CSMD3: variants seen among roughly 807,000 people sequenced by gnomAD.
CSMD3 encodes the protein CUB and sushi domain-containing protein 3.
A neutral mutation model predicts 435.2 loss-of-function variants in CSMD3; 177 were observed. The observed-to-expected ratio is 0.41, with a 90% CI of 0.36 to 0.46. CSMD3 has a LOEUF of 0.46. Among genes scored for constraint, CSMD3 ranks in the 20% least tolerant of loss-of-function variants. The pLI is 0.34. For synonymous variants in CSMD3, 1,656 were observed against 1,520.5 expected, an observed-to-expected ratio of 1.09 and a Z score of -2.07; for missense variants, 4,265 against 4,504.6, an observed-to-expected ratio of 0.95 and a Z score of 1.52.
At chr8:112,271,792 A>G (rs1175706055) in intron 59 of CSMD3, among the ~76,000 whole-genome samples, 3 of 152,232 alleles carry the variant, frequency 2.0e-5, no homozygotes, top group African/African-American at 7.2e-5. Context: ...GAGAAGAAAT[A>G]GTAATAATTA....
intron 3 of CSMD3, among the ~76,000 whole-genome samples, chr8:113,231,556 A>G (rs1371070576): frequency 2.6e-5 from 4 of 151,510 alleles, no homozygotes; most frequent in African/African-American, 9.7e-5. Context: ...ATTGTGATCA[A>G]TTTTAATTTT....
chr8:112,698,795 GC>G (rs1165470145), intron 13 of CSMD3, among the ~76,000 whole-genome samples: 7 of 152,124 alleles, frequency 4.6e-5, no homozygotes, highest in Admixed American at 6.6e-5. Context: ...GAAAGGTGAA[GC>G]CGGCTGGGCT....
chr8:113,260,442 C>T (rs1320875491), intron 3 of CSMD3, among the ~76,000 whole-genome samples: 1 of 152,096 alleles, frequency 6.6e-6, no homozygotes, highest in African/African-American at 2.4e-5. Context: ...GTATCATCAG[C>T]TCTCTACTGA....
chr8:112,525,225 T>A (rs1824746378), intron 27 of CSMD3, among the ~76,000 whole-genome samples: 1 of 151,552 alleles, frequency 6.6e-6, no homozygotes, highest in African/African-American at 2.4e-5. Flanking sequence ...CAGAATACAT[T>A]TTTGACACAC....
At chr8:113,078,958 A>T (rs983285870) in intron 5 of CSMD3, among the ~76,000 whole-genome samples, 6 of 152,150 alleles carry the variant, frequency 3.9e-5, no homozygotes, top group African/African-American at 1.4e-4. Flanking sequence ...TAATTTATGA[A>T]ACATTCAAGA....
At chr8:113,238,006 T>C (rs1273510578) in intron 3 of CSMD3, among the ~76,000 whole-genome samples, 1 of 138,462 alleles carries the variant, frequency 7.2e-6, no homozygotes, top group Non-Finnish European at 1.5e-5. Flanking sequence ...ACCTAGGAGG[T>C]GGAGGTTGCA....
At chr8:112,780,201 G>A (rs1396035203) in intron 13 of CSMD3, among the ~76,000 whole-genome samples, 2 of 152,012 alleles carry the variant, frequency 1.3e-5, no homozygotes, top group Non-Finnish European at 2.9e-5. Context: ...ATGTAGAAAC[G>A]CAAAGTGTGA....
intron 35 of CSMD3, among the ~76,000 whole-genome samples, chr8:112,396,380 T>C (rs1830863752): frequency 6.6e-6 from 1 of 152,162 alleles, no homozygotes; most frequent in Non-Finnish European, 1.5e-5. Flanking sequence ...AAAGGGTAAA[T>C]GGAGAATTTG....
chr8:112,753,559 G>C (rs1218053435), intron 13 of CSMD3, among the ~76,000 whole-genome samples: 1 of 152,182 alleles, frequency 6.6e-6, no homozygotes, highest in Non-Finnish European at 1.5e-5. Context: ...GTGCAGAAAT[G>C]TTTCAGGAGC....
chr8:112,422,797 C>T (rs1165798949), intron 32 of CSMD3, among the ~76,000 whole-genome samples: 1 of 152,144 alleles, frequency 6.6e-6, no homozygotes, highest in Non-Finnish European at 1.5e-5. Flanking sequence ...AAATTAACCA[C>T]TTATTGTTTA....
At chr8:112,468,560 T>C (rs1468134586) in intron 32 of CSMD3, among the ~76,000 whole-genome samples, 1 of 152,094 alleles carries the variant, frequency 6.6e-6, no homozygotes, top group Non-Finnish European at 1.5e-5. Flanking sequence ...ATTTTCCCTC[T>C]GACAATGTTA....
chr8:113,334,510 C>A (rs996923072), intron 1 of CSMD3, among the ~76,000 whole-genome samples: 3 of 151,856 alleles, frequency 2.0e-5, no homozygotes, highest in African/African-American at 7.2e-5. Context: ...TTTATACTCT[C>A]TAGAAGTACT....
intron 12 of CSMD3, among the ~76,000 whole-genome samples, chr8:112,804,330 T>TA (rs201994852): frequency 1.4e-4 from 13 of 91,008 alleles, no homozygotes; most frequent in Middle Eastern, 6.5e-3. Flanking sequence ...GAAAATAAAT[T>TA]AAAAAAAAAA....
intron 49 of CSMD3, 34 bp downstream of exon 49, chr8:112,313,872 T>C (rs775181852): frequency 6.5e-7 from 1 of 1,537,092 alleles, no homozygotes; most frequent in Non-Finnish European, 9.0e-7. Flanking sequence ...AAGATGATAG[T>C]GAGATCTGTC....
intron 63 of CSMD3, among the ~76,000 whole-genome samples, chr8:112,247,504 T>C (rs1336633175): frequency 6.6e-6 from 1 of 152,042 alleles, no homozygotes; most frequent in Non-Finnish European, 1.5e-5. Context: ...GATAAAAATA[T>C]ATATGGAAAT....
chr8:113,024,813 G>A (rs966370804), intron 5 of CSMD3, among the ~76,000 whole-genome samples: 1 of 152,100 alleles, frequency 6.6e-6, no homozygotes, highest in African/African-American at 2.4e-5. Flanking sequence ...AGAGCCTTTA[G>A]TGTATCCATC....
chr8:113,022,361 A>G (rs1353338168), intron 5 of CSMD3, among the ~76,000 whole-genome samples: 2 of 152,104 alleles, frequency 1.3e-5, no homozygotes, highest in Admixed American at 6.5e-5. Context: ...ACATTTATTC[A>G]ACAGTTATTT....
intron 9 of CSMD3, among the ~76,000 whole-genome samples, chr8:112,947,210 T>C (rs2083640040): frequency 1.3e-5 from 2 of 151,736 alleles, no homozygotes; most frequent in African/African-American, 2.4e-5. Flanking sequence ...TTGATAGTTA[T>C]GTAAATTAAT....
intron 4 of CSMD3, among the ~76,000 whole-genome samples, chr8:113,113,003 G>A (rs893513923): frequency 9.9e-5 from 15 of 152,066 alleles, no homozygotes; most frequent in African/African-American, 1.9e-4. Context: ...ATTTATCCCC[G>A]CAATGCCACA....
Sources: gnomAD v4.1 joint callset for allele counts (sites outside exome capture counted in the v4.1 genomes callset) on GRCh38, gnomAD v4.1.1 for gene constraint, MANE v1.5 for transcripts, NCBI Gene and HGNC (gene_info 2026-07-23, HGNC 2026-07-21) for gene names.